The following ZNF385D variants were observed in gnomAD, a reference collection of about 807,000 sequenced individuals.
ZNF385D encodes zinc finger protein 659.
A neutral mutation model predicts 35.8 loss-of-function variants in ZNF385D; 15 were observed. That is an observed-to-expected ratio of 0.42 (90% confidence interval 0.28 to 0.64). ZNF385D has a LOEUF of 0.64. ZNF385D is among the 30% of genes least tolerant of loss of function. The pLI is 0.23. For missense variants in ZNF385D, 474 were observed against 494.6 expected (o/e 0.96, Z 0.39); for synonymous variants, 212 against 186.8 (o/e 1.13, Z -1.10).
intron 4 of ZNF385D, among the ~76,000 whole-genome samples, chr3:21,504,337 G>A (rs372000235): frequency 1.3e-5 from 2 of 152,114 alleles, no homozygotes; most frequent in African/African-American, 4.8e-5. Context: ...TCTGAAATTT[G>A]ATGAGCAATA....
intron 2 of ZNF385D, among the ~76,000 whole-genome samples, chr3:22,215,231 T>C (rs954125791): frequency 2.6e-5 from 4 of 152,036 alleles, no homozygotes; most frequent in African/African-American, 9.6e-5. Context: ...CAATACGAAA[T>C]CTGGGCACCT....
chr3:21,837,013 T>G (rs1695369316), intron 3 of ZNF385D, among the ~76,000 whole-genome samples: 1 of 152,144 alleles, frequency 6.6e-6, no homozygotes, highest in South Asian at 2.1e-4. Context: ...ATGCACTTTC[T>G]GATGGCTTCA....
At chr3:21,515,610 C>A (rs1288641868) in intron 3 of ZNF385D, among the ~76,000 whole-genome samples, 1 of 152,232 alleles carries the variant, frequency 6.6e-6, no homozygotes, top group East Asian at 1.9e-4. Context: ...TTTAGCACAA[C>A]TGACTCCATC....
intron 2 of ZNF385D, among the ~76,000 whole-genome samples, chr3:22,205,397 A>G (rs1241417261): frequency 2.0e-5 from 3 of 151,972 alleles, no homozygotes; most frequent in Non-Finnish European, 4.4e-5. Flanking sequence ...AAGAAAAAAA[A>G]AAGAAAACAT....
chr3:22,018,900 T>C (rs1332119363), intron 3 of ZNF385D, among the ~76,000 whole-genome samples: 2 of 151,956 alleles, frequency 1.3e-5, no homozygotes, highest in African/African-American at 4.8e-5. Context: ...GCTGTGTAAG[T>C]TTGGCCTCTA....
At chr3:22,346,361 G>T (rs1264515350) in intron 2 of ZNF385D, among the ~76,000 whole-genome samples, 3 of 152,158 alleles carry the variant, frequency 2.0e-5, no homozygotes, top group African/African-American at 7.2e-5. Context: ...TTGAAGCACT[G>T]TACTGGGATA....
At chr3:22,027,523 T>C (rs1320099695) in intron 3 of ZNF385D, among the ~76,000 whole-genome samples, 1 of 152,190 alleles carries the variant, frequency 6.6e-6, no homozygotes, top group African/African-American at 2.4e-5. Context: ...CTTCTGCAGA[T>C]AACTACTCTC....
intron 1 of ZNF385D, among the ~76,000 whole-genome samples, chr3:21,709,967 G>T (rs1298505441): frequency 2.0e-5 from 3 of 152,174 alleles, no homozygotes; most frequent in African/African-American, 7.2e-5. Flanking sequence ...CAATAAAAAG[G>T]AACGAGTTAT....
At chr3:22,370,330 T>C (rs1026627321) in intron 2 of ZNF385D, among the ~76,000 whole-genome samples, 2 of 152,240 alleles carry the variant, frequency 1.3e-5, no homozygotes, top group Non-Finnish European at 2.9e-5. Context: ...GGCTATAATG[T>C]AGCACTATTG....
Position 22,266,869 on chromosome 3 carries a change from G to C in ZNF385D, c.107-97834C>G, listed in dbSNP as rs79386540. Among the ~76,000 whole-genome samples the C allele has an allele frequency of 3.3e-3, 509 of 151,994 alleles. 1 individual carries two copies. Among genetic ancestry groups the C allele is most frequent in the African/African-American group, 0.012 (478 of 41,510 alleles). ...CATGTTCTCTTTTCTGGGAAAGGTAGTGTCATCCATCATTTTCATTCCATT... is the reference window on the plus strand; with the variant it reads ...CATGTTCTCTTTTCTGGGAAAGGTACTGTCATCCATCATTTTCATTCCATT... On this transcript the variant is annotated intron_variant, in intron 2 of 5. Coordinates refer to the ZNF385D transcript ENST00000494108.
chr3:21,494,013 A>G (rs1705631812), intron 4 of ZNF385D, among the ~76,000 whole-genome samples: 1 of 152,074 alleles, frequency 6.6e-6, no homozygotes, highest in Admixed American at 6.6e-5. Flanking sequence ...TTGTTATTCC[A>G]GAGAATTCTG....
At chr3:21,605,320 A>T (rs12487979) in intron 2 of ZNF385D, among the ~76,000 whole-genome samples, 56,473 of 151,932 alleles carry the variant, frequency 0.37, 11,722 homozygotes, top group South Asian at 0.61. Context: ...ATGTTGAGCA[A>T]CCCTCCTGAG....
In ZNF385D at chr3:21,590,532, A is replaced by T. The variant is rs1014454972; in HGVS notation, c.166-25848T>A. Reference sequence around the variant, plus strand: ...ATAGAATAATATAACTTTATAATGAACGTTTGAAAATTACACCATAAAAAA... The same window carrying T: ...ATAGAATAATATAACTTTATAATGATCGTTTGAAAATTACACCATAAAAAA... On this transcript the variant is annotated intron_variant, in intron 2 of 7. Coordinates refer to ENST00000281523, the MANE Select transcript of ZNF385D (RefSeq NM_024697.3). Among the ~76,000 whole-genome samples the T allele has an allele frequency of 1.1e-4, 17 of 151,040 alleles. 1 individual carries two copies. Among genetic ancestry groups the T allele is most frequent in the African/African-American group, 4.1e-4 (17 of 41,188 alleles).
At chr3:22,097,677 G>A (rs1257520266) in intron 3 of ZNF385D, among the ~76,000 whole-genome samples, 1 of 151,992 alleles carries the variant, frequency 6.6e-6, no homozygotes, top group African/African-American at 2.4e-5. Flanking sequence ...TCCATACATG[G>A]GAAATCATGC....
chr3:21,582,023 G>A (rs2063682978), intron 2 of ZNF385D, among the ~76,000 whole-genome samples: 1 of 152,070 alleles, frequency 6.6e-6, no homozygotes, highest in Non-Finnish European at 1.5e-5. Context: ...AAATAATTTT[G>A]TGGCCAAATA....
At chr3:22,308,506 G>A (rs1275822286) in intron 2 of ZNF385D, among the ~76,000 whole-genome samples, 2 of 151,990 alleles carry the variant, frequency 1.3e-5, no homozygotes, top group Non-Finnish European at 2.9e-5. Context: ...TCCATTAAGT[G>A]ATTCCCAGGG....
chr3:21,701,336 C>A (rs917246842), intron 1 of ZNF385D, among the ~76,000 whole-genome samples: 3 of 151,982 alleles, frequency 2.0e-5, no homozygotes, highest in African/African-American at 4.8e-5. Context: ...AAAGAGGAAA[C>A]CCCTGATAAA....
chr3:21,438,229 T>C (rs1388883945), intron 4 of ZNF385D, among the ~76,000 whole-genome samples: 1 of 152,182 alleles, frequency 6.6e-6, no homozygotes, highest in Non-Finnish European at 1.5e-5. Context: ...CATATACTAC[T>C]TTTTTGCCTC....
At chr3:21,625,543 C>T (rs2065112451) in intron 2 of ZNF385D, among the ~76,000 whole-genome samples, 1 of 152,028 alleles carries the variant, frequency 6.6e-6, no homozygotes, top group African/African-American at 2.4e-5. Flanking sequence ...ATGAATGACT[C>T]AAGAGAATAA....
Sources: allele counts gnomAD v4.1 joint callset (sites outside exome capture counted in the v4.1 genomes callset), GRCh38; gene constraint gnomAD v4.1.1; transcripts MANE v1.5; gene names NCBI Gene and HGNC (gene_info 2026-07-23, HGNC 2026-07-21).